Variants in FCN3 observed in about 807,000 individuals in gnomAD.
FCN3 encodes ficolin-3.
A neutral mutation model predicts 31.5 loss-of-function variants in FCN3; 28 were observed. The observed-to-expected ratio is 0.89, with a 90% CI of 0.66 to 1.22. The LOEUF is 1.22. Ranked by LOEUF, FCN3 falls within the 50% of genes most tolerant of loss-of-function variation. The pLI is 0.00. For synonymous variants in FCN3, 124 were observed against 147.4 expected, an observed-to-expected ratio of 0.84 and a Z score of 1.15; for missense variants, 351 against 386.8, an observed-to-expected ratio of 0.91 and a Z score of 0.78.
At chr1:27,373,290 G>C (rs375113680) in intron 4 of FCN3, 27 bp from the exon 5 acceptor site, 6 of 1,613,522 alleles carry the variant, frequency 3.7e-6, no homozygotes, top group African/African-American at 2.7e-5. Context: ...GGACTGGGGT[G>C]GTGCCCAGGT....
At chr1:27,373,053 T>G in intron 5 of FCN3, 83 bp downstream of exon 5, 1 of 1,500,068 alleles carries the variant, frequency 6.7e-7, no homozygotes, top group Non-Finnish European at 9.1e-7. Context: ...TGCCTTGCTC[T>G]GGTGGGTTCT....
In FCN3 at chr1:27,374,821, T is replaced by C; in HGVS notation, c.-3A>G. On this transcript the variant is annotated 5_prime_UTR_variant, in exon 1 of 8. Coordinates refer to ENST00000270879, the MANE Select transcript of FCN3 (RefSeq NM_003665.4). ...GGCAGGATCCACAGTAGATCCATCTTGCTGGGCCCACCAGGGGAAGGATGC... is the reference window on the plus strand; with the variant it reads ...GGCAGGATCCACAGTAGATCCATCTCGCTGGGCCCACCAGGGGAAGGATGC... 1 of 1,332,450 alleles carries C rather than the reference T, an allele frequency of 7.5e-7. No homozygotes were observed. Among genetic ancestry groups the C allele is most frequent in the Non-Finnish European group, 9.7e-7 (1 of 1,033,792 alleles). The allele number at this position is 1,332,450 out of a possible 1,614,324, so 82.5% of individuals were successfully genotyped here.
rs6699625 is a variant in FCN3 at position 27,374,293 on chromosome 1, A to G, written c.187+63T>C. ...TGTCGTGGCCCCTCAGCACAGACAA[A>G]AATTGCTACTTTCCTGCCTTCCCCA... On this transcript the variant is annotated intron_variant, in intron 2 of 7. Coordinates refer to ENST00000270879, the MANE Select transcript of FCN3 (RefSeq NM_003665.4). The G allele has an allele frequency of 5.4e-4, 679 of 1,266,176 alleles. 2 individuals are homozygous for G. In the African/African-American group the frequency reaches 8.1e-3, roughly 15 times the overall value. The allele number at this position is 1,266,176 out of a possible 1,614,324, so 78.4% of individuals were successfully genotyped here.
intron 5 of FCN3, among the ~76,000 whole-genome samples, chr1:27,372,236 T>C (rs1203210187): frequency 3.3e-5 from 5 of 150,602 alleles, no homozygotes; most frequent in South Asian, 2.1e-4. Context: ...CCCATTGCCC[T>C]GCACACTCTT....
intron 5 of FCN3, among the ~76,000 whole-genome samples, chr1:27,372,559 C>G (rs1396664605): frequency 6.6e-6 from 1 of 152,202 alleles, no homozygotes; most frequent in Admixed American, 6.5e-5. Flanking sequence ...ACCACCGCGT[C>G]TGGGCGCGCT....
intron 5 of FCN3, among the ~76,000 whole-genome samples, chr1:27,372,773 A>ATATTTTTT (rs71584882): frequency 8.3e-5 from 8 of 96,442 alleles, no homozygotes; most frequent in Non-Finnish European, 1.4e-4. Context: ...TCCCTACCCT[A>ATATTTTTT]TTTTTTTTTT....
At chr1:27,370,575 G>A in intron 7 of FCN3, 21 bp downstream of exon 7, 1 of 1,607,200 alleles carries the variant, frequency 6.2e-7, no homozygotes, top group Non-Finnish European at 8.5e-7. Context: ...TCCTTCCTCT[G>A]CTCCCCTTAG....
intron 7 of FCN3, among the ~76,000 whole-genome samples, chr1:27,370,063 G>A (rs1388939607): frequency 1.3e-5 from 2 of 150,368 alleles, no homozygotes; most frequent in East Asian, 3.9e-4. Flanking sequence ...CTAGAGTGCA[G>A]TGACACTCTC....
Position 27,373,421 on chromosome 1 carries a change from T to G in FCN3, c.265+67A>C, listed in dbSNP as rs1446514840. On this transcript the variant is annotated intron_variant, in intron 4 of 7. Coordinates refer to ENST00000270879, the MANE Select transcript of FCN3 (RefSeq NM_003665.4). ...GCTGTGGGGAGGATCTTGGCCACAC[T>G]TGGGGGTCTGCCAACACCCAACACC... The G allele has an allele frequency of 2.5e-6, 4 of 1,603,916 alleles. No individual in the cohort carries two copies. In the East Asian group the frequency reaches 8.9e-5, roughly 36 times the overall value.
chr1:27,369,446 G>C lies in FCN3; in HGVS notation c.690C>G (p.Pro230=), dbSNP rs914913323. 8.7e-6 allele frequency: 14 copies of C among 1,614,074 alleles called. No homozygotes were observed. Among genetic ancestry groups the C allele is most frequent in the African/African-American group, 8.0e-5 (6 of 74,944 alleles). ...CGTGGTCAGCGTCATAGGTGGTAAA[G>C]GGCCTCCCACTGTGGAGGCTCAGGG... is the stretch of plus-strand genomic sequence containing the variant. The part of the protein sequence containing the change: ...GDSLSLHSGR[P]FTTYDADHDS... Residue 230 remains proline (P), a synonymous_variant, in exon 8 of 8, where the codon CCC becomes CCG. Transcript: ENST00000270879.
rs768631036 is a variant in FCN3, at chr1:27,369,187, G to A, written c.*49C>T. The A allele has an allele frequency of 4.4e-6, 7 of 1,595,922 alleles. No homozygotes were observed. The East Asian group carries it at 6.8e-5, about 15-fold the overall frequency. On this transcript the variant is annotated 3_prime_UTR_variant, in exon 8 of 8. Coordinates refer to ENST00000270879, the MANE Select transcript of FCN3 (RefSeq NM_003665.4). ...GGTTGGCAAAGGCAAGGTGGCTGACGATCCGGAAGCTGTACAGGAGAGATA... is the reference window on the plus strand; with the variant it reads ...GGTTGGCAAAGGCAAGGTGGCTGACAATCCGGAAGCTGTACAGGAGAGATA...
At position 27,374,774 on chromosome 1, in the gene FCN3, A is replaced by T; in HGVS notation, c.45T>A (p.Leu15=). ...WILPSLWLLL[L]GGPACLKTQE... ...GGGTCTTCAGGCAGGCAGGCCCCCC[A>T]AGCAGGAGAAGCCACAGGGAGGGCA... Residue 15 remains leucine, a synonymous_variant, in exon 1 of 8, where the codon CTT becomes CTA. Transcript: ENST00000270879. 1 of 1,389,436 alleles carries T rather than the reference A, an allele frequency of 7.2e-7. No homozygotes were observed. The highest frequency in any genetic ancestry group is 9.4e-7 in the Non-Finnish European group (1 of 1,066,254). The allele number at this position is 1,389,436 out of a possible 1,614,324, so 86.1% of individuals were successfully genotyped here. A position where few individuals can be genotyped will look rare whatever the true frequency, so the allele number is the denominator to read the frequency against.
intron 5 of FCN3, among the ~76,000 whole-genome samples, chr1:27,371,950 G>A (rs572432602): frequency 1.3e-5 from 2 of 152,048 alleles, no homozygotes; most frequent in Non-Finnish European, 2.9e-5. Flanking sequence ...TAGTAGAGAT[G>A]GGGTTTTGCC....
chr1:27,374,480 CAG>C (rs775267301), intron 1 of FCN3, 29 bp from the exon 2 acceptor site: 1 of 1,457,718 alleles, frequency 6.9e-7, no homozygotes. Flanking sequence ...AGGGTGGGCA[CAG>C]GGTAGACTGT....
At chr1:27,373,035 C>T in intron 5 of FCN3, 101 bp downstream of exon 5, 1 of 1,408,694 alleles carries the variant, frequency 7.1e-7, no homozygotes, top group East Asian at 2.3e-5. Context: ...GTGAATTCCT[C>T]TAGGAAATGC....
At chr1:27,372,915 T>C (rs997507101) in intron 5 of FCN3, among the ~76,000 whole-genome samples, 1 of 151,942 alleles carries the variant, frequency 6.6e-6, no homozygotes, top group African/African-American at 2.4e-5. Flanking sequence ...GTAGCTGGGA[T>C]TACAGGCGTG....
rs1286894100 is a variant in FCN3 at position 27,369,313 on chromosome 1, G to A, written c.823C>T (p.His275Tyr). The stretch of plus-strand genomic sequence containing the variant: ...GAGGCCCAGTCAATGCCATATTTGT[G>A]GGCGGCAGCCTCAGACACTGCATAG... ...GRYAVSEAAA[H>Y]KYGIDWASGR... Residue 275 changes from histidine (H) to tyrosine (Y), a missense_variant, in exon 8 of 8, where the codon CAC becomes TAC. His to Tyr is a moderately conservative substitution (Grantham distance 83). Transcript: ENST00000270879. The A allele has an allele frequency of 1.2e-6, 2 of 1,614,252 alleles. No homozygotes were observed. The highest frequency in any genetic ancestry group is 4.5e-5 in the East Asian group (2 of 44,890).
intron 5 of FCN3, 108 bp from the exon 6 acceptor site, chr1:27,371,080 G>T: frequency 1.8e-6 from 2 of 1,116,958 alleles, no homozygotes; most frequent in Non-Finnish European, 2.6e-6. Flanking sequence ...TTGGATTGGG[G>T]CCTGTTGATA....
rs747833801 is a variant in FCN3, at chr1:27,370,598, G to A, written c.656C>T (p.Ala219Val). 1.2e-6 allele frequency: 2 copies of A among 1,613,810 alleles called. No homozygotes were observed. The highest frequency in any genetic ancestry group is 1.7e-6 in the Non-Finnish European group (2 of 1,179,796). Reference sequence around the variant, plus strand: ...CTGCTCCCCTTAGGCTCACTCACCTGCAGTGCCCTCTGAGAACTTGCCCAG... The same window carrying A: ...CTGCTCCCCTTAGGCTCACTCACCTACAGTGCCCTCTGAGAACTTGCCCAG... ...LALGKFSEGT[A>V]GDSLSLHSGR... is the part of the protein sequence containing the mutation. The change falls in exon 7 of 8, where the codon GCA becomes GTA. Residue 219 changes from alanine (A) to valine (V), a missense_variant and splice_region_variant. By Grantham distance (64) the Ala-to-Val change is moderately conservative. Coordinates refer to ENST00000270879, the MANE Select transcript of FCN3 (RefSeq NM_003665.4).
Sources: gnomAD v4.1 joint callset for allele counts (sites outside exome capture counted in the v4.1 genomes callset) on GRCh38, gnomAD v4.1.1 for gene constraint, MANE v1.5 for transcripts, NCBI Gene and HGNC (gene_info 2026-07-23, HGNC 2026-07-21) for gene names.